SFMBT2: variants seen among roughly 807,000 people sequenced by gnomAD.
SFMBT2 encodes the protein scm-like with four MBT domains protein 2.
SFMBT2 carries 38 observed loss-of-function variants against 110.1 expected under a neutral mutation model. The observed-to-expected ratio is 0.35, with a 90% CI of 0.27 to 0.45. The LOEUF (loss-of-function observed/expected upper bound fraction) is 0.45. Among genes scored for constraint, SFMBT2 ranks in the 20% least tolerant of loss-of-function variants. SFMBT2 has a pLI of 1.00. For synonymous variants in SFMBT2, 425 were observed against 425.4 expected, an observed-to-expected ratio of 1.00 and a Z score of 0.01; for missense variants, 1,011 against 1,094.9, an observed-to-expected ratio of 0.92 and a Z score of 1.08.
At chr10:7,252,228 ACT>A (rs1840834347) in intron 7 of SFMBT2, among the ~76,000 whole-genome samples, 1 of 151,798 alleles carries the variant, frequency 6.6e-6, no homozygotes, top group South Asian at 2.1e-4. Flanking sequence ...CTGTGTGGAA[ACT>A]CTGTGTCCCC....
intron 16 of SFMBT2, among the ~76,000 whole-genome samples, chr10:7,185,138 G>A (rs1011767814): frequency 6.6e-6 from 1 of 152,168 alleles, no homozygotes; most frequent in Non-Finnish European, 1.5e-5. Context: ...CCTCCAGAAT[G>A]TCTTAAGCTG....
intron 9 of SFMBT2, among the ~76,000 whole-genome samples, chr10:7,228,734 TC>T (rs745604953): frequency 0.064 from 3,425 of 53,398 alleles, 47 homozygotes; most frequent in South Asian, 0.09. Flanking sequence ...TTTCTTTCTT[TC>T]CTTTCTCTCT....
At chr10:7,360,259 G>A (rs561017151) in intron 4 of SFMBT2, among the ~76,000 whole-genome samples, 1 of 152,248 alleles carries the variant, frequency 6.6e-6, no homozygotes, top group East Asian at 1.9e-4. Context: ...TTTGAGCTCA[G>A]GAATTCGAGA....
At chr10:7,383,061 G>T (rs931777754) in intron 1 of SFMBT2, among the ~76,000 whole-genome samples, 1 of 152,220 alleles carries the variant, frequency 6.6e-6, no homozygotes, top group Non-Finnish European at 1.5e-5. Flanking sequence ...GTCACACATA[G>T]AGAGAAGTTT....
chr10:7,339,038 G>C (rs1156982257), intron 4 of SFMBT2, among the ~76,000 whole-genome samples: 4 of 152,124 alleles, frequency 2.6e-5, no homozygotes, highest in African/African-American at 7.2e-5. Context: ...TCAGGAGTTC[G>C]AGACCAGCCT....
intron 1 of SFMBT2, among the ~76,000 whole-genome samples, chr10:7,404,779 T>C (rs1445415234): frequency 6.6e-6 from 1 of 152,232 alleles, no homozygotes; most frequent in Admixed American, 6.5e-5. Flanking sequence ...TTACCGCTTT[T>C]GCTTTTTAAA....
At chr10:7,348,291 G>A in intron 4 of SFMBT2, 1 of 1,525,858 alleles carries the variant, frequency 6.6e-7, no homozygotes, top group South Asian at 1.2e-5. Flanking sequence ...CCTTTTCTAA[G>A]AAATATGTTG....
At chr10:7,265,935 G>A (rs1171512275) in intron 7 of SFMBT2, among the ~76,000 whole-genome samples, 1 of 152,052 alleles carries the variant, frequency 6.6e-6, no homozygotes, top group African/African-American at 2.4e-5. Flanking sequence ...AGGGGAAGGA[G>A]GCCAAATGCA....
intron 4 of SFMBT2, among the ~76,000 whole-genome samples, chr10:7,340,274 A>T (rs1451369035): frequency 2.0e-5 from 3 of 152,110 alleles, no homozygotes; most frequent in Non-Finnish European, 4.4e-5. Context: ...TCATCCTCTC[A>T]TCTTCATGCT....
chr10:7,397,375 G>GT (rs769905784), intron 1 of SFMBT2, among the ~76,000 whole-genome samples: 5,385 of 141,536 alleles, frequency 0.038, 109 homozygotes, highest in Non-Finnish European at 0.042. Flanking sequence ...TTGTTTTTTT[G>GT]TTTTTTTTTT....
At chr10:7,290,884 A>C (rs576305519) in intron 4 of SFMBT2, among the ~76,000 whole-genome samples, 1 of 152,324 alleles carries the variant, frequency 6.6e-6, no homozygotes, top group South Asian at 2.1e-4. Flanking sequence ...AGTCCCATAT[A>C]AAGGCAGAAG....
chr10:7,300,552 C>T lies in SFMBT2; in HGVS notation c.437-14598G>A, dbSNP rs192305598. Among the ~76,000 whole-genome samples the T allele has an allele frequency of 3.3e-4, 50 of 152,326 alleles. 1 individual carries two copies. Among genetic ancestry groups the T allele is most frequent in the Non-Finnish European group, 4.4e-5 (3 of 68,036 alleles). On this transcript the variant is annotated intron_variant, in intron 4 of 20. Transcript: ENST00000397167. ...ACATACTTTAGAACATCCTCCTCAA[C>T]CCCTGCCCACCCAGCCCGGGAATTT...
At chr10:7,259,301 GAAAGTGCCC>G (rs1242351498) in intron 7 of SFMBT2, among the ~76,000 whole-genome samples, 2 of 152,212 alleles carry the variant, frequency 1.3e-5, no homozygotes, top group African/African-American at 2.4e-5. Context: ...CTCCCCACTG[GAAAGTGCCC>G]ACTGCCAAGC....
At chr10:7,295,198 T>G (rs979216228) in intron 4 of SFMBT2, 1 of 152,192 alleles carries the variant, frequency 6.6e-6, no homozygotes, top group Non-Finnish European at 1.5e-5. Flanking sequence ...GCATCTGCCT[T>G]TTTCCTTGGT....
intron 3 of SFMBT2, chr10:7,368,419 T>G: frequency 1.0e-6 from 1 of 958,658 alleles, no homozygotes; most frequent in South Asian, 4.8e-5. Context: ...TCCAGCCTGG[T>G]GGGTCTTAAC....
chr10:7,186,548 C>T (rs957513287), intron 16 of SFMBT2, among the ~76,000 whole-genome samples: 6 of 151,318 alleles, frequency 4.0e-5, no homozygotes, highest in Admixed American at 1.3e-4. Flanking sequence ...TGGACTCAAG[C>T]GATTTGCTGC....
chr10:7,205,841 G>A lies in SFMBT2; in HGVS notation c.1418C>T (p.Pro473Leu). The change falls in exon 12 of 21, where the codon CCT becomes CTT. Residue 473 changes from proline to leucine, a missense_variant. Transcript: ENST00000397167. ...GACTGTTTTGTGTGGTGCAGTCAAA[G>A]GATAAGAATTGGCTTCACACCAGCC... Reference protein sequence around the residue: ...PVGWCEANSYPLTAPHKTVSQ... With the variant: ...PVGWCEANSYLLTAPHKTVSQ... The A allele has an allele frequency of 6.2e-7, 1 of 1,614,004 alleles. No homozygotes were observed. Among genetic ancestry groups the A allele is most frequent in the Non-Finnish European group, 8.5e-7 (1 of 1,179,938 alleles).
intron 4 of SFMBT2, among the ~76,000 whole-genome samples, chr10:7,345,385 G>C (rs1261242537): frequency 1.3e-5 from 2 of 152,130 alleles, no homozygotes; most frequent in African/African-American, 4.8e-5. Context: ...TTGAGACAGA[G>C]TCTAGCTCTG....
chr10:7,389,037 C>T (rs544662913), intron 1 of SFMBT2, among the ~76,000 whole-genome samples: 5 of 152,260 alleles, frequency 3.3e-5, no homozygotes, highest in South Asian at 4.2e-4. Flanking sequence ...AACAGAACGC[C>T]GTAGAAATTA....
Sources: allele counts gnomAD v4.1 joint callset (sites outside exome capture counted in the v4.1 genomes callset), GRCh38; gene constraint gnomAD v4.1.1; transcripts MANE v1.5; gene names NCBI Gene and HGNC (gene_info 2026-07-23, HGNC 2026-07-21).